ATN1: variants seen among roughly 807,000 people sequenced by gnomAD.
The protein encoded by ATN1 is atrophin 1, also known as atrophin-1.
In ATN1, 19 loss-of-function variants were observed where a neutral mutation model predicts 85.8. That is an observed-to-expected ratio of 0.22 (90% CI 0.15 to 0.32). The LOEUF is 0.32. ATN1 is among the 10% of genes least tolerant of loss of function. The pLI is 1.00. For synonymous variants in ATN1, 674 were observed against 657.0 expected, an observed-to-expected ratio of 1.03 and a Z score of -0.39; for missense variants, 1,453 against 1,564.5, an observed-to-expected ratio of 0.93 and a Z score of 1.20.
chr12:6,935,888 G>A lies in ATN1; in HGVS notation c.621G>A (p.Gln207=). 1 of 1,613,308 alleles carries A rather than the reference G, an allele frequency of 6.2e-7. No homozygotes were observed. The highest frequency in any genetic ancestry group is 8.5e-7 in the Non-Finnish European group (1 of 1,179,538). ...AGCCCCCCACATCTCGAATGTTCCA[G>A]GCTCCTCCTGGGGCCCCTCCCCCTC... ...PMEPPTSRMF[Q]APPGAPPPHP... is the part of the protein sequence containing the mutation. Residue 207 remains glutamine (Q), a synonymous_variant, in exon 5 of 10, where the codon CAG becomes CAA. Transcript: ENST00000396684. This position sits in a 1 kb window ranked among gnomAD's most constrained non-coding sequence, Gnocchi z 5.3.
chr12:6,937,489 TGCCCCCA>T lies in ATN1; in HGVS notation c.2227_2233del (p.Pro743AlafsTer10), dbSNP rs1945564947. ...GAGTATGAGACCCCCGAGAGCCCGG[TGCCCCCA>T]GCCCGCAGCCCCTCGCCCCCTCCCA... On this transcript the variant is annotated frameshift_variant, in exon 5 of 10. Coordinates refer to ENST00000396684, the MANE Select transcript of ATN1 (RefSeq NM_001940.4). LOFTEE classifies it high-confidence loss of function. This position sits in a 1 kb window ranked among gnomAD's most constrained non-coding sequence, Gnocchi z 6.0. 1 of 1,541,630 alleles carries T rather than the reference TGCCCCCA, an allele frequency of 6.5e-7. No homozygotes were observed. The highest frequency in any genetic ancestry group is 1.4e-5 in the African/African-American group (1 of 71,180).
At position 6,936,606 on chromosome 12, in the gene ATN1, C is replaced by T. The variant is rs781911792; in HGVS notation, c.1339C>T (p.Pro447Ser). 1.9e-6 allele frequency: 3 copies of T among 1,612,304 alleles called. No individual in the cohort carries two copies. The highest frequency in any genetic ancestry group is 2.7e-5 in the African/African-American group (2 of 74,738). Residue 447 changes from proline to serine, a missense_variant, in exon 5 of 10, where the codon CCC becomes TCC. By Grantham distance (74) the Pro-to-Ser change is moderately conservative. Around this residue, in one of 6 missense-constraint regions of ATN1, gnomAD observed 990 missense variants for 914.8 expected, o/e 1.08. Coordinates refer to ENST00000396684, the MANE Select transcript of ATN1 (RefSeq NM_001940.4). ...GAGCCAGGGTCCCCCACCACCTCCT[C>T]CCTATGGCCGCCTCTTAGCCAACAG... Reference protein sequence around the residue: ...VWSQGPPPPPPYGRLLANSNA... With the variant: ...VWSQGPPPPPSYGRLLANSNA...
In ATN1 at chr12:6,936,985, A is replaced by G. The variant is rs781836406; in HGVS notation, c.1718A>G (p.Asn573Ser). ...PNGPPVSSSS[N>S]SSSSTSQGSY... ...GGCCCTCCAGTCTCTTCCTCTTCCA[A>G]CTCTTCCTCTTCCACTTCTCAAGGG... is the stretch of plus-strand genomic sequence containing the variant. Residue 573 changes from asparagine to serine, a missense_variant, in exon 5 of 10, where the codon AAC becomes AGC. Coordinates refer to ENST00000396684, the MANE Select transcript of ATN1 (RefSeq NM_001940.4). 1.2e-6 allele frequency: 2 copies of G among 1,611,248 alleles called. No homozygotes were observed. Among genetic ancestry groups the G allele is most frequent in the East Asian group, 4.5e-5 (2 of 44,710 alleles).
chr12:6,934,187 G>A lies in ATN1; in HGVS notation c.39G>A (p.Arg13=). ...TRQNKDSMSM[R]SGRKKEAPGP... The stretch of plus-strand genomic sequence containing the variant: ...TCCTCCTCCTGTAGATGTCAATGAG[G>A]AGTGGACGGAAGAAAGAGGCCCCTG... The change falls in exon 3 of 10, where the codon AGG becomes AGA. Residue 13 remains arginine (R), a synonymous_variant. Coordinates refer to ENST00000396684, the MANE Select transcript of ATN1 (RefSeq NM_001940.4). The surrounding 1 kb of genome is among the most constrained non-coding windows in gnomAD (Gnocchi z 4.5). 1 of 1,609,970 alleles carries A rather than the reference G, an allele frequency of 6.2e-7. No homozygotes were observed. Among genetic ancestry groups the A allele is most frequent in the Middle Eastern group, 1.7e-4 (1 of 5,854 alleles).
chr12:6,935,911 C>A lies in ATN1; in HGVS notation c.644C>A (p.Pro215His), dbSNP rs139874082. ...CAGGCTCCTCCTGGGGCCCCTCCCC[C>A]TCACCCACAGCTCTATCCTGGGGGC... ...MFQAPPGAPPPHPQLYPGGTG... is the reference protein window; with the variant it reads ...MFQAPPGAPPHHPQLYPGGTG... The change falls in exon 5 of 10, where the codon CCT becomes CAT. Residue 215 changes from proline (P) to histidine (H), a missense_variant. Transcript: ENST00000396684. The surrounding 1 kb of genome is among the most constrained non-coding windows in gnomAD (Gnocchi z 5.3). The A allele has an allele frequency of 1.2e-6, 2 of 1,609,874 alleles. No individual in the cohort carries two copies. The highest frequency in any genetic ancestry group is 1.7e-6 in the Non-Finnish European group (2 of 1,177,546).
rs1245302537 is a variant in ATN1 at position 6,942,022 on chromosome 12, G to C, written c.*242G>C. 8.8e-6 allele frequency: 5 copies of C among 565,106 alleles called. No individual in the cohort carries two copies. The highest frequency in any genetic ancestry group is 7.5e-5 in the African/African-American group (4 of 53,134). 35.0% of individuals were successfully genotyped at this position (565,106 alleles called of 1,614,324 possible). On this transcript the variant is annotated 3_prime_UTR_variant, in exon 10 of 10. Transcript: ENST00000396684. ...AGAAAGCGCACAGAATCTTGGACCA[G>C]GTCTCTCTTCCTTGTCCCCCCTGCT... is the stretch of plus-strand genomic sequence containing the variant.
At position 6,937,849 on chromosome 12, in the gene ATN1, A is replaced by C. The variant is rs782396574; in HGVS notation, c.2299A>C (p.Asn767His). 46 of 1,567,730 alleles carry C rather than the reference A, an allele frequency of 2.9e-5. 1 individual carries two copies. Among genetic ancestry groups the C allele is most frequent in the South Asian group, 2.3e-4 (20 of 85,616 alleles). The change falls in exon 6 of 10, where the codon AAC (asparagine) becomes CAC (histidine). Residue 767 changes from asparagine to histidine, a missense_variant. By Grantham distance (68) the Asn-to-His change is moderately conservative. Coordinates refer to ENST00000396684, the MANE Select transcript of ATN1 (RefSeq NM_001940.4). The surrounding 1 kb of genome is among the most constrained non-coding windows in gnomAD (Gnocchi z 6.0). ...PSHASQSARF[N>H]KHLDRGFNSC... ...CGCTGCTTCCACGCCCGGCAGGTTC[A>C]ACAAACACCTGGATCGCGGCTTCAA...
Position 6,935,745 on chromosome 12 carries a change from C to T in ATN1, c.478C>T (p.His160Tyr). The change falls in exon 5 of 10, where the codon CAC (histidine) becomes TAC (tyrosine). Residue 160 changes from histidine (H) to tyrosine (Y), a missense_variant. Coordinates refer to ENST00000396684, the MANE Select transcript of ATN1 (RefSeq NM_001940.4). This position sits in a 1 kb window ranked among gnomAD's most constrained non-coding sequence, Gnocchi z 5.3. ...GTCCCAGGGCCCAGCCCGCCCCTAC[C>T]ACCCACCTCCACTCTTTCCTCCTTC... Reference protein sequence around the residue: ...GLSQGPARPYHPPPLFPPSPQ... With the variant: ...GLSQGPARPYYPPPLFPPSPQ... The T allele has an allele frequency of 1.2e-6, 2 of 1,613,934 alleles. No individual in the cohort carries two copies. Among genetic ancestry groups the T allele is most frequent in the South Asian group, 1.1e-5 (1 of 91,080 alleles).
chr12:6,938,967 C>T lies in ATN1; in HGVS notation c.3004C>T (p.Arg1002Cys), dbSNP rs1555144312. 6.2e-7 allele frequency: 1 copy of T among 1,613,506 alleles called. No homozygotes were observed. The highest frequency in any genetic ancestry group is 1.7e-5 in the Admixed American group (1 of 60,010). Reference protein sequence around the residue: ...HPSLGPLERERLALAAGPALR... With the variant: ...HPSLGPLERECLALAAGPALR... ...GAGCCTGGGGCCCCTGGAGCGAGAA[C>T]GTCTAGCGCTGGCAGCTGGGCCAGC... The change falls in exon 7 of 10, where the codon CGT (arginine) becomes TGT (cysteine). Residue 1002 changes from arginine (R) to cysteine (C), a missense_variant. Physicochemically the swap from Arg to Cys is radical, Grantham distance 180. Around this residue, in one of 6 missense-constraint regions of ATN1, gnomAD observed 208 missense variants for 263.4 expected, o/e 0.79. Coordinates refer to ENST00000396684, the MANE Select transcript of ATN1 (RefSeq NM_001940.4).
chr12:6,937,100 G>C lies in ATN1; in HGVS notation c.1833G>C (p.Ser611=). 6.2e-7 allele frequency: 1 copy of C among 1,612,332 alleles called. No homozygotes were observed. Among genetic ancestry groups the C allele is most frequent in the Non-Finnish European group, 8.5e-7 (1 of 1,179,992 alleles). The change falls in exon 5 of 10, where the codon TCG becomes TCC. Residue 611 remains serine (S), a synonymous_variant. Coordinates refer to ENST00000396684, the MANE Select transcript of ATN1 (RefSeq NM_001940.4). The surrounding 1 kb of genome is among the most constrained non-coding windows in gnomAD (Gnocchi z 6.0). The part of the protein sequence containing the change: ...FPPVPTVTTS[S]ATLSTVIATV... ...CGGTGCCTACGGTCACCACCTCTTC[G>C]GCTACCCTTTCCACGGTCATTGCCA...
Position 6,936,844 on chromosome 12 carries a change from A to C in ATN1, c.1577A>C (p.His526Pro). The stretch of plus-strand genomic sequence containing the variant: ...CCACTGGAGGGCGGTAGCTCCCACC[A>C]CGCACACCCTTACGCCATGTCTCCC... The part of the protein sequence containing the change: ...PHPLEGGSSH[H>P]AHPYAMSPSL... The change falls in exon 5 of 10, where the codon CAC becomes CCC. Residue 526 changes from histidine to proline, a missense_variant. His to Pro is a moderately conservative substitution (Grantham distance 77). Coordinates refer to ENST00000396684, the MANE Select transcript of ATN1 (RefSeq NM_001940.4). 1 of 1,613,584 alleles carries C rather than the reference A, an allele frequency of 6.2e-7. No individual in the cohort carries two copies.
chr12:6,931,840 CCTGA>C (rs1945469721), intron 1 of ATN1, among the ~76,000 whole-genome samples: 2 of 151,642 alleles, frequency 1.3e-5, no homozygotes, highest in African/African-American at 4.8e-5. Context: ...TCGAGACCAC[CCTGA>C]CTAACATGGT....
In ATN1 at chr12:6,936,876, G is replaced by C; in HGVS notation, c.1609G>C (p.Gly537Arg). Residue 537 changes from glycine to arginine, a missense_variant, in exon 5 of 10, where the codon GGG becomes CGG. By Grantham distance (125) the Gly-to-Arg change is moderately radical. This residue lies in a region of ATN1 where 990 missense variants were observed against 914.8 expected (regional missense o/e 1.08). Transcript: ENST00000396684. ...AHPYAMSPSL[G>R]SLRPYPPGPA... ...CCCTTACGCCATGTCTCCCTCCCTGGGGTCTCTGAGGCCCTACCCACCAGG... is the reference window on the plus strand; with the variant it reads ...CCCTTACGCCATGTCTCCCTCCCTGCGGTCTCTGAGGCCCTACCCACCAGG... 1.2e-6 allele frequency: 2 copies of C among 1,613,946 alleles called. No individual in the cohort carries two copies. The highest frequency in any genetic ancestry group is 8.5e-7 in the Non-Finnish European group (1 of 1,179,970).
intron 1 of ATN1, among the ~76,000 whole-genome samples, chr12:6,932,826 G>A (rs782789340): frequency 6.6e-6 from 1 of 152,302 alleles, no homozygotes; most frequent in Non-Finnish European, 1.5e-5. Flanking sequence ...GATTGGTAGG[G>A]CTGTGTTCCT....
chr12:6,937,994 AGGAGCGCGAGCGCGAGCG>A lies in ATN1; in HGVS notation c.2448_2465del (p.Arg819_Glu824del). On this transcript the variant is annotated inframe_deletion, in exon 6 of 10. Coordinates refer to ENST00000396684, the MANE Select transcript of ATN1 (RefSeq NM_001940.4). This position sits in a 1 kb window ranked among gnomAD's most constrained non-coding sequence, Gnocchi z 6.0. The stretch of plus-strand genomic sequence containing the variant: ...GCCGAGCAGCGCGCGCGCGAAGAAA[AGGAGCGCGAGCGCGAGCG>A]GGAACGCGAGAAAGAGCGCGAGCGC... The A allele has an allele frequency of 6.5e-7, 1 of 1,546,026 alleles. No individual in the cohort carries two copies. The highest frequency in any genetic ancestry group is 8.7e-7 in the Non-Finnish European group (1 of 1,144,246).
At chr12:6,931,772 G>A (rs1240591047) in intron 1 of ATN1, among the ~76,000 whole-genome samples, 6 of 150,808 alleles carry the variant, frequency 4.0e-5, no homozygotes, top group Admixed American at 6.6e-5. Context: ...AGTGGCTCAC[G>A]CCTGTAATCC....
At chr12:6,927,590 G>C (rs1945410786), upstream of ATN1, among the ~76,000 whole-genome samples, 1 of 141,782 alleles carries the variant, frequency 7.1e-6, no homozygotes, top group South Asian at 2.3e-4. Flanking sequence ...CCCTCCCCGC[G>C]CCCCGGCCCC....
In ATN1 at chr12:6,936,773, GCAT is replaced by G. The variant is rs1555143796; in HGVS notation, c.1509_1511del (p.His504del). On this transcript the variant is annotated inframe_deletion, in exon 5 of 10. Transcript: ENST00000396684. ...AGCAGCAGCAGCAGCAGCAGCAGCA[GCAT>G]CACGGAAACTCTGGGCCCCCTCCTC... 11 of 1,590,364 alleles carry G rather than the reference GCAT, an allele frequency of 6.9e-6. No individual in the cohort carries two copies. Among genetic ancestry groups the G allele is most frequent in the Middle Eastern group, 1.7e-4 (1 of 5,960 alleles).
Position 6,936,914 on chromosome 12 carries a change from G to A in ATN1, c.1647G>A (p.Leu549=), listed in dbSNP as rs11547602. Residue 549 remains leucine (L), a synonymous_variant, in exon 5 of 10, where the codon CTG becomes CTA. Transcript: ENST00000396684. The part of the protein sequence containing the change: ...LRPYPPGPAH[L]PPPHSQVSYS... ...CCTACCCACCAGGGCCAGCACACCT[G>A]CCCCCACCTCACAGCCAGGTGTCCT... The A allele has an allele frequency of 0.031, 50,219 of 1,613,938 alleles. 987 individuals carry two copies. Among genetic ancestry groups the A allele is most frequent in the Middle Eastern group, 0.058 (353 of 6,062 alleles).
Sources: gnomAD v4.1 joint callset for allele counts (sites outside exome capture counted in the v4.1 genomes callset) on GRCh38, gnomAD v4.1.1 for gene constraint, gnomAD v4.1.1 regional missense constraint, Gnocchi (gnomAD v3.1) non-coding constraint, MANE v1.5 for transcripts, NCBI Gene and HGNC (gene_info 2026-07-23, HGNC 2026-07-21) for gene names.